The following RIMS2 variants were observed in gnomAD, a reference collection of about 807,000 sequenced individuals.
RIMS2 encodes regulating synaptic membrane exocytosis 2.
A neutral mutation model predicts 174.4 loss-of-function variants in RIMS2; 59 were observed. The ratio of observed to expected loss-of-function variants is 0.34; its 90% CI spans 0.27 to 0.42. RIMS2 has a LOEUF of 0.42. Ranked by LOEUF, RIMS2 falls within the 10% of genes least tolerant of loss-of-function variation. RIMS2 has a pLI of 1.00. For missense variants in RIMS2, 1,620 were observed against 1,666.3 expected (o/e 0.97, Z 0.48); for synonymous variants, 606 against 572.5 (o/e 1.06, Z -0.84).
At chr8:104,196,200 T>C (rs1337913994) in intron 19 of RIMS2, among the ~76,000 whole-genome samples, 2 of 152,086 alleles carry the variant, frequency 1.3e-5, no homozygotes, top group Non-Finnish European at 2.9e-5. Flanking sequence ...AATTCCAAAG[T>C]CTTATAATGA....
chr8:103,751,264 A>G (rs1369267955), intron 2 of RIMS2, among the ~76,000 whole-genome samples: 1 of 152,106 alleles, frequency 6.6e-6, no homozygotes, highest in Admixed American at 6.5e-5. Context: ...TGTCCCTACA[A>G]AGGACATGAA....
At chr8:104,242,301 T>G (rs1320356403) in intron 19 of RIMS2, among the ~76,000 whole-genome samples, 2 of 152,152 alleles carry the variant, frequency 1.3e-5, no homozygotes, top group Non-Finnish European at 2.9e-5. Context: ...TCTAAATACT[T>G]TAGCATGTAT....
intron 19 of RIMS2, among the ~76,000 whole-genome samples, chr8:104,189,555 G>T (rs1031353024): frequency 3.4e-5 from 5 of 148,338 alleles, no homozygotes; most frequent in African/African-American, 1.2e-4. Flanking sequence ...TAGAGAAAGA[G>T]AAAGAGATAA....
chr8:103,887,395 T>G (rs902209055), intron 4 of RIMS2, among the ~76,000 whole-genome samples: 28 of 151,692 alleles, frequency 1.8e-4, no homozygotes, highest in Admixed American at 1.7e-3. Flanking sequence ...ACTGTTGAAT[T>G]TAATGTATCT....
At chr8:103,507,860 G>T (rs1044209020) in intron 1 of RIMS2, among the ~76,000 whole-genome samples, 1 of 152,038 alleles carries the variant, frequency 6.6e-6, no homozygotes, top group Non-Finnish European at 1.5e-5. Context: ...TACACAGAAG[G>T]CTTTGGATAG....
chr8:103,729,384 A>G (rs2097565218), intron 2 of RIMS2, among the ~76,000 whole-genome samples: 1 of 152,098 alleles, frequency 6.6e-6, no homozygotes, highest in Admixed American at 6.6e-5. Flanking sequence ...AGTAGCCTCT[A>G]ATGATTCTTT....
intron 1 of RIMS2, among the ~76,000 whole-genome samples, chr8:103,572,308 C>T (rs368732886): frequency 9.3e-4 from 142 of 152,268 alleles, no homozygotes; most frequent in African/African-American, 3.2e-3. Context: ...GCTGCTGGCT[C>T]GGGTGGCCAG....
At chr8:103,925,958 A>T (rs1032896459) in intron 10 of RIMS2, among the ~76,000 whole-genome samples, 1 of 151,620 alleles carries the variant, frequency 6.6e-6, no homozygotes, top group African/African-American at 2.4e-5. Flanking sequence ...ATATTTTTAT[A>T]GCCATATTTA....
chr8:104,202,920 T>G lies in RIMS2; in HGVS notation c.3335-41996T>G, dbSNP rs368280030. Among the ~76,000 whole-genome samples the G allele has an allele frequency of 1.1e-3, 169 of 152,334 alleles. No homozygotes were observed. In the Middle Eastern group the frequency reaches 0.031, roughly 28 times the overall value. On this transcript the variant is annotated intron_variant, in intron 19 of 23. Transcript: ENST00000504942. ...TAAGTATGGAATAAAATGTAAAGGA[T>G]AGTGTCTCCACTTAAAGACTCTCAT...
At chr8:104,100,766 A>G (rs776071103) in intron 19 of RIMS2, among the ~76,000 whole-genome samples, 6 of 146,030 alleles carry the variant, frequency 4.1e-5, no homozygotes, top group Non-Finnish European at 7.5e-5. Context: ...GTGAAATGCC[A>G]AAAACATACT....
chr8:104,129,486 A>T (rs959460521), intron 19 of RIMS2, among the ~76,000 whole-genome samples: 2 of 152,254 alleles, frequency 1.3e-5, no homozygotes, highest in Non-Finnish European at 2.9e-5. Flanking sequence ...ATCTAAACAT[A>T]ACCTGTGGTT....
intron 3 of RIMS2, among the ~76,000 whole-genome samples, chr8:103,857,119 T>C (rs1257219654): frequency 6.6e-6 from 1 of 152,158 alleles, no homozygotes; most frequent in East Asian, 1.9e-4. Flanking sequence ...TGAGATACGG[T>C]GTTACATAAA....
At chr8:104,177,170 A>G (rs995031372) in intron 19 of RIMS2, among the ~76,000 whole-genome samples, 4 of 152,160 alleles carry the variant, frequency 2.6e-5, no homozygotes, top group African/African-American at 9.7e-5. Context: ...GTGAAATAAG[A>G]CAGGTAGTAA....
intron 1 of RIMS2, among the ~76,000 whole-genome samples, chr8:103,689,611 C>A (rs1431491131): frequency 1.3e-5 from 2 of 152,034 alleles, no homozygotes; most frequent in African/African-American, 2.4e-5. Context: ...TACATAATGA[C>A]CTTCTTTGTT....
intron 14 of RIMS2, among the ~76,000 whole-genome samples, chr8:103,946,072 A>G (rs962338885): frequency 6.6e-6 from 1 of 152,244 alleles, no homozygotes; most frequent in Non-Finnish European, 1.5e-5. Flanking sequence ...ACGTGATTCT[A>G]TATGTAGAAA....
At chr8:103,905,775 CT>C (rs60157494) in intron 4 of RIMS2, among the ~76,000 whole-genome samples, 3,412 of 122,014 alleles carry the variant, frequency 0.028, 66 homozygotes, top group African/African-American at 0.058. Context: ...ATTTTCTTTT[CT>C]TTTTTTTTTT....
intron 19 of RIMS2, among the ~76,000 whole-genome samples, chr8:104,241,072 G>A (rs74352967): frequency 0.011 from 1,718 of 152,120 alleles, 35 homozygotes; most frequent in African/African-American, 0.04. Flanking sequence ...TTGATCCCAG[G>A]GCCTGACTCC....
At position 104,013,637 on chromosome 8, in the gene RIMS2, A is replaced by G; in HGVS notation, c.3224+16A>G. 6.2e-7 allele frequency: 1 copy of G among 1,608,912 alleles called. No homozygotes were observed. The highest frequency in any genetic ancestry group is 8.5e-7 in the Non-Finnish European group (1 of 1,175,856). On this transcript the variant is annotated intron_variant, in intron 18 of 23. Transcript: ENST00000504942. The stretch of plus-strand genomic sequence containing the variant: ...CCTTATCGAGGTGAAAGATAAATCA[A>G]TCAGACTAATTTCCCCTTTGCCCCA...
chr8:103,596,627 A>G (rs1283697158), intron 1 of RIMS2, among the ~76,000 whole-genome samples: 2 of 152,078 alleles, frequency 1.3e-5, no homozygotes, highest in Admixed American at 1.3e-4. Context: ...GTCATACATT[A>G]TATGTATTGA....
Sources: allele counts gnomAD v4.1 joint callset (sites outside exome capture counted in the v4.1 genomes callset), GRCh38; gene constraint gnomAD v4.1.1; transcripts MANE v1.5; gene names NCBI Gene and HGNC (gene_info 2026-07-23, HGNC 2026-07-21).